The following SDHA variants were observed in gnomAD, a reference collection of about 807,000 sequenced individuals.
SDHA encodes succinate dehydrogenase complex flavoprotein subunit A.
SDHA carries 48 observed loss-of-function variants against 78.4 expected under a neutral mutation model. The observed-to-expected ratio is 0.61, with a 90% CI of 0.49 to 0.78. The LOEUF (loss-of-function observed/expected upper bound fraction) is 0.78. Ranked by LOEUF, SDHA falls within the 30% of genes least tolerant of loss-of-function variation. The pLI, the probability that SDHA is intolerant of heterozygous loss-of-function variation, is 0.00. For missense variants in SDHA, 680 were observed against 892.7 expected (o/e 0.76, Z 3.04); for synonymous variants, 326 against 353.9 (o/e 0.92, Z 0.88).
At chr5:252,626 G>C (rs1207156853) in intron 13 of SDHA, among the ~76,000 whole-genome samples, 1 of 144,366 alleles carries the variant, frequency 6.9e-6, no homozygotes, top group Non-Finnish European at 1.5e-5. Context: ...GTTTATTAAC[G>C]AGTAAGCCAC....
chr5:259,710 G>C (rs553336360), downstream of SDHA, among the ~76,000 whole-genome samples: 17 of 30,474 alleles, frequency 5.6e-4, 1 homozygote, highest in Non-Finnish European at 7.5e-4. Context: ...GCATTACCGT[G>C]TGAGCTCCGC....
At chr5:223,999 G>T (rs971170995) in intron 2 of SDHA, among the ~76,000 whole-genome samples, 5 of 152,074 alleles carry the variant, frequency 3.3e-5, no homozygotes, top group Admixed American at 3.3e-4. Context: ...TATCTCTGTT[G>T]AAAAACTGAA....
intron 13 of SDHA, among the ~76,000 whole-genome samples, chr5:253,879 G>A (rs943258552): frequency 2.0e-5 from 3 of 152,090 alleles, no homozygotes; most frequent in Non-Finnish European, 1.5e-5. Context: ...TGGGCAACAT[G>A]GCGAAACGTG....
In SDHA at chr5:225,717, A is replaced by G. The variant is rs1163595993; in HGVS notation, c.456+155A>G. The G allele has an allele frequency of 8.3e-6, 11 of 1,331,022 alleles. No individual in the cohort carries two copies. In the Admixed American group the frequency reaches 1.8e-4, roughly 22 times the overall value. The allele number at this position is 1,331,022 out of a possible 1,614,324, so 82.5% of individuals were successfully genotyped here. ...AGTCTTTTTCCGTTATGAACTATGC[A>G]TTATATGTAACAAGAAAACTTCTCT... On this transcript the variant is annotated intron_variant, in intron 4 of 14. Coordinates refer to ENST00000264932, the MANE Select transcript of SDHA (RefSeq NM_004168.4).
chr5:258,613 A>C (rs1280267342), downstream of SDHA, among the ~76,000 whole-genome samples: 2 of 96,822 alleles, frequency 2.1e-5, no homozygotes, highest in Non-Finnish European at 2.1e-5. Context: ...GCCTCCTGCC[A>C]GAGCATTACC....
At chr5:236,894 C>T (rs1007767895) in intron 10 of SDHA, among the ~76,000 whole-genome samples, 7 of 149,968 alleles carry the variant, frequency 4.7e-5, no homozygotes, top group Non-Finnish European at 8.8e-5. Flanking sequence ...TCAAACAGTC[C>T]TGCCTCAGCT....
chr5:264,546 A>G, the SDHA span, among the ~76,000 whole-genome samples: 36,486 of 152,030 alleles, frequency 0.24, 6,819 homozygotes, highest in African/African-American at 0.52. Context: ...AATCCAGGAC[A>G]TGCTCCTGCC....
At chr5:221,482 G>C (rs540833983) in intron 1 of SDHA, among the ~76,000 whole-genome samples, 1 of 152,176 alleles carries the variant, frequency 6.6e-6, no homozygotes, top group African/African-American at 2.4e-5. Flanking sequence ...TTATAGGTGC[G>C]TTGTATTAGA....
intron 9 of SDHA, 119 bp from the exon 10 acceptor site, chr5:236,309 C>A: frequency 9.9e-7 from 1 of 1,013,418 alleles, no homozygotes; most frequent in Non-Finnish European, 1.6e-6. Context: ...CAGGCGTGAG[C>A]CACCACGCCT....
At chr5:233,801 T>C in intron 8 of SDHA, 156 bp downstream of exon 8, 1 of 714,994 alleles carries the variant, frequency 1.4e-6, no homozygotes, top group Non-Finnish European at 2.4e-6. Context: ...TCTGCGATAT[T>C]TTCCTAAAGA....
rs1579384604 is a variant in SDHA at position 225,563 on chromosome 5, G to T, written c.456+1G>T. 1 of 1,613,894 alleles carries T rather than the reference G, an allele frequency of 6.2e-7. No homozygotes were observed. Among genetic ancestry groups the T allele is most frequent in the Non-Finnish European group, 8.5e-7 (1 of 1,179,828 alleles). On this transcript the variant is annotated splice_donor_variant, in intron 4 of 14. Transcript: ENST00000264932. LOFTEE classifies it high-confidence loss of function. ...GCAGGCCCCCGCCGCCGTGGTCGAG[G>T]TGATGGGCGGGAGGCTCTGGGTGTT...
At chr5:263,252 C>T in the SDHA span, among the ~76,000 whole-genome samples, 2 of 152,086 alleles carry the variant, frequency 1.3e-5, no homozygotes, top group African/African-American at 4.8e-5. Context: ...TTTCCTAAGA[C>T]AAGGCAGGTT....
rs1173329629 is a variant in SDHA, at chr5:223,513, G to T, written c.95G>T (p.Gly32Val). The T allele has an allele frequency of 6.2e-7, 1 of 1,613,866 alleles. No individual in the cohort carries two copies. The highest frequency in any genetic ancestry group is 2.2e-5 in the East Asian group (1 of 44,890). The change falls in exon 2 of 15, where the codon GGT becomes GTT. Residue 32 changes from glycine (G) to valine (V), a missense_variant. Physicochemically the swap from Gly to Val is moderately radical, Grantham distance 109 (BLOSUM62 -3). Coordinates refer to ENST00000264932, the MANE Select transcript of SDHA (RefSeq NM_004168.4). ...WPTVLQTGTR[G>V]FHFTVDGNKR... ...ACAGTGTTGCAAACAGGAACCCGAG[G>T]TTTTCACTTCACTGTTGATGGGAAC...
intron 11 of SDHA, among the ~76,000 whole-genome samples, chr5:240,917 C>T (rs1176049181): frequency 6.6e-6 from 1 of 151,904 alleles, no homozygotes; most frequent in African/African-American, 2.4e-5. Flanking sequence ...TTCATCTGGT[C>T]ATCCGTTGAT....
intron 9 of SDHA, 173 bp from the exon 10 acceptor site, chr5:236,255 C>T: frequency 1.5e-6 from 1 of 689,420 alleles, no homozygotes; most frequent in Non-Finnish European, 2.7e-6. Context: ...GAACCCCTGA[C>T]CTCAGGTGAT....
Position 240,407 on chromosome 5 carries a change from G to A in SDHA, c.1482G>A (p.Met494Ile). The A allele has an allele frequency of 6.2e-7, 1 of 1,611,522 alleles. No homozygotes were observed. Among genetic ancestry groups the A allele is most frequent in the Non-Finnish European group, 8.5e-7 (1 of 1,178,938 alleles). The change falls in exon 11 of 15, where the codon ATG becomes ATA. Residue 494 changes from methionine to isoleucine, a missense_variant. Physicochemically the swap from Met to Ile is conservative, Grantham distance 10. Coordinates refer to ENST00000264932, the MANE Select transcript of SDHA (RefSeq NM_004168.4). Reference protein sequence around the residue: ...IKPNAGEESVMNLDKLRFADG... With the variant: ...IKPNAGEESVINLDKLRFADG... ...CAAACGCTGGGGAAGAATCTGTCAT[G>A]AATCTTGACAAATTGAGATTTGCTG...
chr5:241,389 A>G (rs1736130633), intron 11 of SDHA, among the ~76,000 whole-genome samples: 1 of 152,194 alleles, frequency 6.6e-6, no homozygotes, highest in Non-Finnish European at 1.5e-5. Flanking sequence ...GCAGCTCGGA[A>G]ATGTCTTTAA....
chr5:243,166 C>T (rs894993168), intron 11 of SDHA, among the ~76,000 whole-genome samples: 18 of 152,328 alleles, frequency 1.2e-4, no homozygotes, highest in Non-Finnish European at 2.4e-4. Flanking sequence ...TGTTAGAATA[C>T]ACCCTGCAGA....
chr5:255,700 C>CT (rs1347552746), intron 14 of SDHA, among the ~76,000 whole-genome samples: 1 of 152,126 alleles, frequency 6.6e-6, no homozygotes, highest in Non-Finnish European at 1.5e-5. Context: ...GTCTTGGCCT[C>CT]CCAACAGGCA....
Sources: gnomAD v4.1 joint callset for allele counts (sites outside exome capture counted in the v4.1 genomes callset) on GRCh38, gnomAD v4.1.1 for gene constraint, MANE v1.5 for transcripts, NCBI Gene and HGNC (gene_info 2026-07-23, HGNC 2026-07-21) for gene names.